The following USH2A variants were observed in gnomAD, a reference collection of about 807,000 sequenced individuals.
USH2A encodes Usher syndrome 2A (autosomal recessive, mild).
Under a neutral mutation model 538.9 loss-of-function variants are expected in USH2A, and 443 were observed. That is an observed-to-expected ratio of 0.82 (90% CI 0.76 to 0.89). The LOEUF is 0.89. Among genes scored for constraint, USH2A ranks in the 40% least tolerant of loss-of-function variants. USH2A has a pLI of 0.00. For synonymous variants in USH2A, 2,413 were observed against 2,273.5 expected (o/e 1.06, Z -1.75); for missense variants, 6,633 against 6,324.8 (o/e 1.05, Z -1.65).
At chr1:216,335,559 C>T (rs558235647) in intron 4 of USH2A, among the ~76,000 whole-genome samples, 1 of 151,460 alleles carries the variant, frequency 6.6e-6, no homozygotes, top group Non-Finnish European at 1.5e-5. Context: ...AGAGATGACT[C>T]TAATGATTAA....
intron 24 of USH2A, among the ~76,000 whole-genome samples, chr1:216,086,046 A>G (rs990366476): frequency 1.3e-5 from 2 of 152,078 alleles, no homozygotes; most frequent in African/African-American, 4.8e-5. Context: ...AGGACTTGGG[A>G]AACAATCCTA....
intron 21 of USH2A, among the ~76,000 whole-genome samples, chr1:216,120,521 A>G (rs1467450217): frequency 1.3e-5 from 2 of 151,534 alleles, no homozygotes; most frequent in African/African-American, 4.8e-5. Flanking sequence ...CTGGGACTAC[A>G]GGCTCCCGCC....
At chr1:216,209,159 C>G (rs959260401) in intron 15 of USH2A, among the ~76,000 whole-genome samples, 1 of 152,196 alleles carries the variant, frequency 6.6e-6, no homozygotes, top group African/African-American at 2.4e-5. Flanking sequence ...TGCACACTAT[C>G]TCTAGCTTAA....
intron 21 of USH2A, among the ~76,000 whole-genome samples, chr1:216,118,326 C>T (rs1476747960): frequency 6.6e-6 from 1 of 151,944 alleles, no homozygotes; most frequent in East Asian, 1.9e-4. Flanking sequence ...CTATTTTTAC[C>T]CATTACAAAA....
chr1:216,186,098 TC>T, intron 20 of USH2A, among the ~76,000 whole-genome samples: 1 of 151,668 alleles, frequency 6.6e-6, no homozygotes, highest in Non-Finnish European at 1.5e-5. Context: ...AAACATTTTT[TC>T]CAGAAAAAAA....
At chr1:215,814,931 T>G (rs1326381946) in intron 48 of USH2A, among the ~76,000 whole-genome samples, 2 of 152,142 alleles carry the variant, frequency 1.3e-5, no homozygotes, top group African/African-American at 2.4e-5. Context: ...TTACGTTCAC[T>G]GGGATTTGTG....
intron 21 of USH2A, among the ~76,000 whole-genome samples, chr1:216,171,775 A>G (rs1486376658): frequency 6.6e-6 from 1 of 152,102 alleles, no homozygotes; most frequent in Admixed American, 6.6e-5. Flanking sequence ...AAAAATGATT[A>G]AATGAGTTGT....
At chr1:216,191,429 G>A (rs2102656287) in intron 19 of USH2A, among the ~76,000 whole-genome samples, 1 of 152,026 alleles carries the variant, frequency 6.6e-6, no homozygotes, top group African/African-American at 2.4e-5. Flanking sequence ...AAAGCAGTGA[G>A]ATTGGAATGT....
chr1:215,748,528 T>C (rs931950762), intron 58 of USH2A, among the ~76,000 whole-genome samples: 15 of 152,338 alleles, frequency 9.8e-5, no homozygotes, highest in African/African-American at 3.4e-4. Flanking sequence ...GATGATTGCT[T>C]CAGGCTCTGT....
chr1:216,110,900 C>T (rs2032851261), intron 21 of USH2A, among the ~76,000 whole-genome samples: 1 of 152,156 alleles, frequency 6.6e-6, no homozygotes. Flanking sequence ...ACTACCACCA[C>T]CAGACTGTCT....
rs2102641059 is a variant in USH2A at position 215,646,217 on chromosome 1, G to A, written c.14791+1305C>T. ...GCATGTGACCTGTGCTGTTGCAAGG[G>A]CCTGTGACATAGAAGAGTCTTGGAC... On this transcript the variant is annotated intron_variant, in intron 67 of 71. Transcript: ENST00000307340. Among the ~76,000 whole-genome samples, 3 of 152,176 alleles carry A rather than the reference G, an allele frequency of 2.0e-5. No homozygotes were observed. The Middle Eastern group carries it at 0.01, about 518-fold the overall frequency.
Position 215,675,348 on chromosome 1 carries a change from T to G in USH2A, c.12563A>C (p.Tyr4188Ser). 1 of 1,614,138 alleles carries G rather than the reference T, an allele frequency of 6.2e-7. No homozygotes were observed. Among genetic ancestry groups the G allele is most frequent in the Non-Finnish European group, 8.5e-7 (1 of 1,180,038 alleles). ...CTCGAAGCATCTGCGAATCACTTCA[T>G]AGCGAATTATTTTTCCATTTGGGTT... is the stretch of plus-strand genomic sequence containing the variant. ...PVNPNGKIIR[Y>S]EVIRRCFEGK... Residue 4188 changes from tyrosine to serine, a missense_variant, in exon 63 of 72, where the codon TAT becomes TCT. Physicochemically the swap from Tyr to Ser is moderately radical, Grantham distance 144. Coordinates refer to ENST00000307340, the MANE Select transcript of USH2A (RefSeq NM_206933.4).
Position 215,934,756 on chromosome 1 carries a change from A to C in USH2A, c.7160T>G (p.Met2387Arg). The C allele has an allele frequency of 6.2e-7, 1 of 1,612,662 alleles. No individual in the cohort carries two copies. Among genetic ancestry groups the C allele is most frequent in the Non-Finnish European group, 8.5e-7 (1 of 1,179,022 alleles). The change falls in exon 38 of 72, where the codon ATG (methionine) becomes AGG (arginine). Residue 2387 changes from methionine to arginine, a missense_variant. By Grantham distance (91) the Met-to-Arg change is moderately conservative (BLOSUM62 -1). Coordinates refer to ENST00000307340, the MANE Select transcript of USH2A (RefSeq NM_206933.4). ...NYTLLNVTKV[M>R]YSGEETNLWV... Reference sequence around the variant, plus strand: ...AAGGTTTGTCTCTTCTCCGCTGTACATGACTTTTGTGACATTCAGAAGGGT... The same window carrying C: ...AAGGTTTGTCTCTTCTCCGCTGTACCTGACTTTTGTGACATTCAGAAGGGT...
intron 47 of USH2A, among the ~76,000 whole-genome samples, chr1:215,818,586 G>T (rs1008591260): frequency 1.3e-5 from 2 of 151,694 alleles, no homozygotes; most frequent in African/African-American, 4.8e-5. Context: ...TTTATGAGAG[G>T]CAGGGTTTGG....
chr1:215,742,462 T>C (rs528502910), intron 59 of USH2A, among the ~76,000 whole-genome samples: 124 of 145,738 alleles, frequency 8.5e-4, no homozygotes, highest in Admixed American at 1.5e-3. Flanking sequence ...ACATATATCA[T>C]GTTATATATG....
chr1:215,919,599 A>C (rs981636028), intron 38 of USH2A, among the ~76,000 whole-genome samples: 1 of 151,992 alleles, frequency 6.6e-6, no homozygotes, highest in East Asian at 1.9e-4. Context: ...GGAGAGATGG[A>C]ATGTGGCATT....
chr1:216,120,102 C>T (rs1364488425), intron 21 of USH2A, among the ~76,000 whole-genome samples: 6 of 151,360 alleles, frequency 4.0e-5, no homozygotes, highest in African/African-American at 7.3e-5. Flanking sequence ...ATTGCTTAAC[C>T]TTAAAATGCA....
In USH2A at chr1:215,877,825, C is replaced by A. The variant is rs2102450769; in HGVS notation, c.8614G>T (p.Asp2872Tyr). ...QQPLASNPPEDLNRWHNIYSG... is the reference protein window; with the variant it reads ...QQPLASNPPEYLNRWHNIYSG... The stretch of plus-strand genomic sequence containing the variant: ...TAAATATTGTGCCACCGATTTAAAT[C>A]TTCTGGGGGATTTGATGCAAGTGGC... The change falls in exon 43 of 72, where the codon GAT becomes TAT. Residue 2872 changes from aspartate (D) to tyrosine (Y), a missense_variant. Transcript: ENST00000307340. The A allele has an allele frequency of 6.2e-7, 1 of 1,613,782 alleles. No homozygotes were observed. Among genetic ancestry groups the A allele is most frequent in the South Asian group, 1.1e-5 (1 of 91,078 alleles).
intron 47 of USH2A, among the ~76,000 whole-genome samples, chr1:215,828,436 G>T (rs1571725449): frequency 2.0e-5 from 3 of 152,234 alleles, no homozygotes; most frequent in Admixed American, 2.0e-4. Flanking sequence ...ACGAGATCCT[G>T]TCTCAACAAC....
Sources: allele counts gnomAD v4.1 joint callset (sites outside exome capture counted in the v4.1 genomes callset), GRCh38; gene constraint gnomAD v4.1.1; transcripts MANE v1.5; gene names NCBI Gene and HGNC (gene_info 2026-07-23, HGNC 2026-07-21).